The following SND1 variants were observed in gnomAD, a reference collection of about 807,000 sequenced individuals.
The protein encoded by SND1 is staphylococcal nuclease domain-containing protein 1.
In SND1, 38 loss-of-function variants were observed where a neutral mutation model predicts 121.7. The ratio of observed to expected loss-of-function variants is 0.31; its 90% CI spans 0.24 to 0.41. SND1 has a LOEUF of 0.41. SND1 is among the 10% of genes least tolerant of loss of function. The probability of loss-of-function intolerance (pLI) is 1.00; values close to 1 mark genes in which losing one functional copy is unlikely to be tolerated. For missense variants in SND1, 868 were observed against 1,184.6 expected (o/e 0.73, Z 3.92); for synonymous variants, 401 against 447.4 (o/e 0.90, Z 1.31).
chr7:127,998,957 C>T (rs955832510), intron 16 of SND1: 1 of 152,262 alleles, frequency 6.6e-6, no homozygotes, highest in African/African-American at 2.4e-5. Flanking sequence ...TTGACTGTTT[C>T]CCTATTCCTC....
intron 13 of SND1, among the ~76,000 whole-genome samples, chr7:127,889,220 C>T (rs528662713): frequency 5.9e-5 from 9 of 151,992 alleles, no homozygotes; most frequent in East Asian, 1.9e-4. Context: ...ATACGTAGTT[C>T]GTGATTGGTG....
chr7:127,738,286 C>CT (rs889082580), intron 10 of SND1, among the ~76,000 whole-genome samples: 25,581 of 122,574 alleles, frequency 0.21, 3,126 homozygotes, highest in Middle Eastern at 0.29. Context: ...TTTTTTTTTT[C>CT]TTTTTTTTTT....
chr7:127,768,289 T>C (rs933170162), intron 10 of SND1, among the ~76,000 whole-genome samples: 2 of 152,232 alleles, frequency 1.3e-5, no homozygotes, highest in Non-Finnish European at 2.9e-5. Context: ...CCTTATACTT[T>C]TCCCTTATAA....
At chr7:128,032,266 G>T (rs1385212952) in intron 16 of SND1, among the ~76,000 whole-genome samples, 1 of 151,020 alleles carries the variant, frequency 6.6e-6, no homozygotes, top group Non-Finnish European at 1.5e-5. Flanking sequence ...CCGGCCGCCC[G>T]TCTTCCTCTT....
At chr7:127,986,266 CTAGT>C (rs988134050) in intron 15 of SND1, among the ~76,000 whole-genome samples, 2 of 152,096 alleles carry the variant, frequency 1.3e-5, no homozygotes, top group Admixed American at 6.5e-5. Flanking sequence ...GTTAATTGAC[CTAGT>C]TAGTCAATGT....
At chr7:127,664,554 G>A (rs867789232) in intron 1 of SND1, among the ~76,000 whole-genome samples, 23 of 152,180 alleles carry the variant, frequency 1.5e-4, no homozygotes, top group African/African-American at 4.6e-4. Flanking sequence ...CCATCTGGCT[G>A]TTCCTGAGTT....
In SND1 at chr7:128,089,540, A is replaced by G. The variant is rs767321756; in HGVS notation, c.2470A>G (p.Thr824Ala). 6.2e-7 allele frequency: 1 copy of G among 1,614,160 alleles called. No individual in the cohort carries two copies. Among genetic ancestry groups the G allele is most frequent in the South Asian group, 1.1e-5 (1 of 91,086 alleles). The change falls in exon 22 of 24, where the codon ACT (threonine) becomes GCT (alanine). Residue 824 changes from threonine (T) to alanine (A), a missense_variant. By Grantham distance (58) the Thr-to-Ala change is moderately conservative. Coordinates refer to ENST00000354725, the MANE Select transcript of SND1 (RefSeq NM_014390.4). ...VDSVVRDIQN[T>A]QCLLNVEHLS... Reference sequence around the variant, plus strand: ...CAGCGTAGTTCGGGATATCCAGAACACTCAGTGCCTGCTCAACGTGGAACA... The same window carrying G: ...CAGCGTAGTTCGGGATATCCAGAACGCTCAGTGCCTGCTCAACGTGGAACA...
At chr7:127,942,527 C>G (rs956734471) in intron 15 of SND1, among the ~76,000 whole-genome samples, 3 of 152,166 alleles carry the variant, frequency 2.0e-5, no homozygotes, top group East Asian at 3.9e-4. Context: ...TGGTTTCTAG[C>G]AGCAGGATGA....
At chr7:127,828,141 C>T (rs1330355439) in intron 11 of SND1, among the ~76,000 whole-genome samples, 3 of 151,710 alleles carry the variant, frequency 2.0e-5, no homozygotes, top group South Asian at 4.2e-4. Context: ...GGATTACAGG[C>T]GCCCACCACC....
intron 16 of SND1, among the ~76,000 whole-genome samples, chr7:127,993,781 C>A (rs950549919): frequency 6.6e-6 from 1 of 152,208 alleles, no homozygotes. Context: ...TACCATAAAT[C>A]TGCATTATCC....
At chr7:127,926,878 A>G (rs1432519458) in intron 14 of SND1, among the ~76,000 whole-genome samples, 1 of 152,012 alleles carries the variant, frequency 6.6e-6, no homozygotes, top group Non-Finnish European at 1.5e-5. Flanking sequence ...GGCATGAGCC[A>G]CCACGCCCAG....
intron 9 of SND1, among the ~76,000 whole-genome samples, chr7:127,713,313 T>TA (rs1432622571): frequency 6.6e-6 from 1 of 152,270 alleles, no homozygotes; most frequent in Non-Finnish European, 1.5e-5. Context: ...AACATTAAGT[T>TA]AAAAATGGAA....
At chr7:127,830,629 AT>A (rs765744007) in intron 11 of SND1, among the ~76,000 whole-genome samples, 4 of 152,134 alleles carry the variant, frequency 2.6e-5, no homozygotes, top group Non-Finnish European at 4.4e-5. Context: ...TAAGAGAAGT[AT>A]ATATGTATCC....
At chr7:128,051,106 G>T (rs566770666) in intron 16 of SND1, among the ~76,000 whole-genome samples, 1 of 152,198 alleles carries the variant, frequency 6.6e-6, no homozygotes, top group African/African-American at 2.4e-5. Context: ...CTGTGTGCTT[G>T]CTTCCAGAGC....
chr7:127,707,731 T>C lies in SND1; in HGVS notation c.1038+84T>C. The C allele has an allele frequency of 2.5e-6, 3 of 1,198,718 alleles. No individual in the cohort carries two copies. The South Asian group carries it at 3.9e-5, about 15-fold the overall frequency. 74.3% of individuals were successfully genotyped at this position (1,198,718 alleles called of 1,614,324 possible). On this transcript the variant is annotated intron_variant, in intron 9 of 23. Coordinates refer to ENST00000354725, the MANE Select transcript of SND1 (RefSeq NM_014390.4). The stretch of plus-strand genomic sequence containing the variant: ...CAAGAATTTGAACAATTAGAAATGC[T>C]GAAGCTCTTGAAAATTTCAAGGCAA...
chr7:127,834,779 C>T (rs57274065), intron 11 of SND1, among the ~76,000 whole-genome samples: 68 of 152,250 alleles, frequency 4.5e-4, no homozygotes, highest in African/African-American at 1.6e-3. Flanking sequence ...TCATGATTTT[C>T]CTTTGACATC....
chr7:128,087,566 G>A (rs1287068523), intron 21 of SND1, among the ~76,000 whole-genome samples: 3 of 152,160 alleles, frequency 2.0e-5, no homozygotes, highest in African/African-American at 7.2e-5. Context: ...AGGTGGTGCT[G>A]GGTTTCTTAT....
chr7:127,717,366 TG>T (rs1466634299), intron 9 of SND1, among the ~76,000 whole-genome samples: 1 of 152,218 alleles, frequency 6.6e-6, no homozygotes, highest in African/African-American at 2.4e-5. Context: ...ACTTTTTTTT[TG>T]TTTTGGATGA....
At chr7:127,703,142 C>T (rs1367813454) in intron 6 of SND1, 23 bp from the exon 7 acceptor site, 2 of 1,613,826 alleles carry the variant, frequency 1.2e-6, no homozygotes, top group Admixed American at 1.7e-5. Context: ...CTGCATTACT[C>T]ACCTACCTTG....
Sources: allele counts gnomAD v4.1 joint callset (sites outside exome capture counted in the v4.1 genomes callset), GRCh38; gene constraint gnomAD v4.1.1; transcripts MANE v1.5; gene names NCBI Gene and HGNC (gene_info 2026-07-23, HGNC 2026-07-21).